Variants in MPPED2 observed in about 807,000 individuals in gnomAD.
MPPED2 encodes the protein metallophosphoesterase domain containing 2.
In MPPED2, 5 loss-of-function variants were observed where a neutral mutation model predicts 33.0. That is an observed-to-expected ratio of 0.15 (90% CI 0.08 to 0.32). The LOEUF is 0.32. MPPED2 is among the 10% of genes least tolerant of loss of function. The pLI, the probability that MPPED2 is intolerant of heterozygous loss-of-function variation, is 1.00. For missense variants in MPPED2, 275 were observed against 372.1 expected (o/e 0.74, Z 2.15); for synonymous variants, 136 against 141.9 (o/e 0.96, Z 0.29).
chr11:30,537,375 C>A (rs550129422), intron 2 of MPPED2, among the ~76,000 whole-genome samples: 1 of 152,096 alleles, frequency 6.6e-6, no homozygotes, highest in Non-Finnish European at 1.5e-5. Context: ...TATTTCATAT[C>A]CCAGCCCCAA....
intron 4 of MPPED2, among the ~76,000 whole-genome samples, chr11:30,460,316 A>T (rs1950469110): frequency 6.6e-6 from 1 of 152,166 alleles, no homozygotes; most frequent in Non-Finnish European, 1.5e-5. Flanking sequence ...AAATGGAGAA[A>T]AACCTTTACT....
At chr11:30,582,778 C>T (rs543219532) in intron 1 of MPPED2, among the ~76,000 whole-genome samples, 10 of 152,298 alleles carry the variant, frequency 6.6e-5, no homozygotes, top group Middle Eastern at 3.4e-3. Context: ...ACATCTATGC[C>T]TCTTTGCACC....
intron 4 of MPPED2, among the ~76,000 whole-genome samples, chr11:30,425,335 T>C (rs939245911): frequency 5.9e-5 from 9 of 152,186 alleles, no homozygotes; most frequent in Non-Finnish European, 1.3e-4. Context: ...AAGGAGGTGG[T>C]GTAAGCAGAG....
chr11:30,542,636 A>T (rs1955191435), intron 2 of MPPED2, among the ~76,000 whole-genome samples: 1 of 152,024 alleles, frequency 6.6e-6, no homozygotes, highest in Non-Finnish European at 1.5e-5. Flanking sequence ...TTAAAAAAAT[A>T]AAAATAAAAA....
At chr11:30,458,024 C>T (rs143663984) in intron 4 of MPPED2, among the ~76,000 whole-genome samples, 1 of 152,198 alleles carries the variant, frequency 6.6e-6, no homozygotes, top group Non-Finnish European at 1.5e-5. Context: ...GCAATTCATG[C>T]CACAGTGCAA....
chr11:30,411,574 AT>A lies in MPPED2; in HGVS notation c.778del (p.Met260Ter). 1 of 1,613,476 alleles carries A rather than the reference AT, an allele frequency of 6.2e-7. No homozygotes were observed. Among genetic ancestry groups the A allele is most frequent in the Non-Finnish European group, 8.5e-7 (1 of 1,179,488 alleles). On this transcript the variant is annotated frameshift_variant, in exon 7 of 7. Transcript: ENST00000358117. LOFTEE classifies it high-confidence loss of function. ...FGGIHEGYGI[M>X]TDGYTTYINA... The stretch of plus-strand genomic sequence containing the variant: ...GATGTACGTTGTGTAACCGTCGGTC[AT>A]GATGCCATAACCTGTGGGGAGAGCG...
At chr11:30,443,359 G>T (rs1239013838) in intron 4 of MPPED2, among the ~76,000 whole-genome samples, 1 of 152,058 alleles carries the variant, frequency 6.6e-6, no homozygotes, top group Non-Finnish European at 1.5e-5. Flanking sequence ...AGGCACCTGG[G>T]GTTTAGTAAA....
intron 4 of MPPED2, among the ~76,000 whole-genome samples, chr11:30,422,533 A>G (rs1453230012): frequency 1.3e-5 from 2 of 152,098 alleles, no homozygotes; most frequent in Non-Finnish European, 2.9e-5. Flanking sequence ...GTTGAGTTTC[A>G]ACCTGAAACA....
chr11:30,579,640 C>T (rs769592632), intron 2 of MPPED2, among the ~76,000 whole-genome samples: 1 of 152,150 alleles, frequency 6.6e-6, no homozygotes, highest in East Asian at 1.9e-4. Flanking sequence ...GAGGAAAGTA[C>T]AATTCCTGGA....
intron 2 of MPPED2, among the ~76,000 whole-genome samples, chr11:30,558,860 C>A (rs1022650862): frequency 2.0e-5 from 3 of 151,616 alleles, no homozygotes; most frequent in African/African-American, 7.3e-5. Flanking sequence ...ACAACCAATT[C>A]TTTTCAAATA....
At chr11:30,414,610 G>C (rs531354404) in intron 5 of MPPED2, among the ~76,000 whole-genome samples, 39 of 151,548 alleles carry the variant, frequency 2.6e-4, no homozygotes, top group Admixed American at 1.1e-3. Flanking sequence ...ATTCAGCCAT[G>C]GGTTTCAAAT....
chr11:30,440,254 C>A (rs1480037862), intron 4 of MPPED2, among the ~76,000 whole-genome samples: 1 of 151,390 alleles, frequency 6.6e-6, no homozygotes, highest in Non-Finnish European at 1.5e-5. Context: ...TGCTTGAATC[C>A]GGGAGGCGGA....
At chr11:30,430,287 A>C (rs9783322) in intron 4 of MPPED2, among the ~76,000 whole-genome samples, 29,232 of 152,082 alleles carry the variant, frequency 0.19, 3,965 homozygotes, top group African/African-American at 0.39. Flanking sequence ...AGCTAGTCTG[A>C]AAACGGAGAT....
chr11:30,505,643 T>A (rs1250305084), intron 3 of MPPED2, among the ~76,000 whole-genome samples: 5 of 152,200 alleles, frequency 3.3e-5, no homozygotes, highest in African/African-American at 1.2e-4. Flanking sequence ...TAAAGACCCT[T>A]CAATCTACTT....
At chr11:30,477,801 T>C (rs905712733) in intron 4 of MPPED2, among the ~76,000 whole-genome samples, 3 of 152,266 alleles carry the variant, frequency 2.0e-5, no homozygotes, top group Non-Finnish European at 4.4e-5. Context: ...TTTGAATGTT[T>C]AAATGTTGAT....
chr11:30,434,491 G>C (rs1483086507), intron 4 of MPPED2, among the ~76,000 whole-genome samples: 1 of 152,120 alleles, frequency 6.6e-6, no homozygotes, highest in Non-Finnish European at 1.5e-5. Flanking sequence ...AGATCATCCT[G>C]GTTTATCATC....
At chr11:30,468,329 C>T (rs1465530597) in intron 4 of MPPED2, among the ~76,000 whole-genome samples, 1 of 152,012 alleles carries the variant, frequency 6.6e-6, no homozygotes, top group Non-Finnish European at 1.5e-5. Context: ...CAAATGTGCA[C>T]CTCTGCACCA....
chr11:30,479,361 T>C (rs990663339), intron 4 of MPPED2, among the ~76,000 whole-genome samples: 9 of 152,086 alleles, frequency 5.9e-5, no homozygotes, highest in Non-Finnish European at 1.2e-4. Context: ...TCAAAAGATA[T>C]CTCCACTTAG....
intron 4 of MPPED2, among the ~76,000 whole-genome samples, chr11:30,426,700 T>G (rs776492256): frequency 6.6e-6 from 1 of 152,164 alleles, no homozygotes; most frequent in Admixed American, 6.5e-5. Context: ...TGGACAGAAG[T>G]CTTTAAACTT....
Sources: gnomAD v4.1 joint callset for allele counts (sites outside exome capture counted in the v4.1 genomes callset) on GRCh38, gnomAD v4.1.1 for gene constraint, MANE v1.5 for transcripts, NCBI Gene and HGNC (gene_info 2026-07-23, HGNC 2026-07-21) for gene names.